IGSF11: variants seen among roughly 807,000 people sequenced by gnomAD.
IGSF11 encodes CXADR like 1.
IGSF11 carries 22 observed loss-of-function variants against 41.0 expected under a neutral mutation model. The observed-to-expected ratio is 0.54, with a 90% CI of 0.38 to 0.77. The LOEUF is 0.77. Among genes scored for constraint, IGSF11 ranks in the 30% least tolerant of loss-of-function variants. IGSF11 has a pLI of 0.00. For missense variants in IGSF11, 444 were observed against 530.8 expected, an observed-to-expected ratio of 0.84 and a Z score of 1.61; for synonymous variants, 219 against 201.3, an observed-to-expected ratio of 1.09 and a Z score of -0.74.
chr3:119,033,446 AG>A (rs896437269), intron 1 of IGSF11, among the ~76,000 whole-genome samples: 13 of 152,246 alleles, frequency 8.5e-5, no homozygotes, highest in African/African-American at 3.1e-4. Flanking sequence ...ACTGAACTCT[AG>A]AAAAGTTAAT....
intron 1 of IGSF11, among the ~76,000 whole-genome samples, chr3:119,110,281 G>C (rs1168958892): frequency 1.3e-5 from 2 of 151,856 alleles, no homozygotes; most frequent in Non-Finnish European, 2.9e-5. Context: ...CTCCTGTATT[G>C]GGTGCATATA....
chr3:119,096,971 T>C (rs979392093), intron 1 of IGSF11, among the ~76,000 whole-genome samples: 3 of 152,202 alleles, frequency 2.0e-5, no homozygotes, highest in Admixed American at 6.5e-5. Flanking sequence ...ATACTTTTGG[T>C]ACCAAGTTTT....
At position 119,021,334 on chromosome 3, in the gene IGSF11, G is replaced by C. The variant is rs368634520; in HGVS notation, c.52+13197C>G. ...GAAGATTATGTTAATGAAGTAAAAG[G>C]ATATGACAGTGATAAAGATGATGGT... On this transcript the variant is annotated intron_variant, in intron 1 of 6. Coordinates refer to ENST00000393775, the MANE Select transcript of IGSF11 (RefSeq NM_001015887.3). Among the ~76,000 whole-genome samples the C allele has an allele frequency of 2.6e-5, 4 of 152,180 alleles. No individual in the cohort carries two copies. In the East Asian group the frequency reaches 7.7e-4, roughly 29 times the overall value.
chr3:119,131,675 C>T (rs538915496), intron 1 of IGSF11, among the ~76,000 whole-genome samples: 1 of 152,238 alleles, frequency 6.6e-6, no homozygotes, highest in South Asian at 2.1e-4. Flanking sequence ...GGCAGGCCAA[C>T]ATTCAAATTC....
chr3:119,017,039 CAAAAAAAA>C (rs60190891), intron 1 of IGSF11, among the ~76,000 whole-genome samples: 1 of 88,320 alleles, frequency 1.1e-5, no homozygotes, highest in African/African-American at 3.7e-5. Flanking sequence ...GGACGCAGGA[CAAAAAAAA>C]AAAAAAAAAA....
Position 119,051,447 on chromosome 3 carries a change from C to T in IGSF11, c.49+53697G>A, listed in dbSNP as rs142881586. Among the ~76,000 whole-genome samples, 800 of 152,198 alleles carry T rather than the reference C, an allele frequency of 5.3e-3. 15 individuals are homozygous for T. Among genetic ancestry groups the T allele is most frequent in the African/African-American group, 0.019 (769 of 41,536 alleles). Reference sequence around the variant, plus strand: ...AATATCACAATTCTAAATATACATGCACCTAACACTGGATCTCCCAAATTT... The same window carrying T: ...AATATCACAATTCTAAATATACATGTACCTAACACTGGATCTCCCAAATTT... On this transcript the variant is annotated intron_variant, in intron 1 of 6. Coordinates refer to the IGSF11 transcript ENST00000354673.
chr3:119,094,164 T>C (rs2107498164), intron 1 of IGSF11, among the ~76,000 whole-genome samples: 1 of 137,342 alleles, frequency 7.3e-6, no homozygotes, highest in Non-Finnish European at 1.5e-5. Flanking sequence ...AGTGGAAATA[T>C]ACCTTTTCCA....
chr3:118,998,672 G>A lies in IGSF11; in HGVS notation c.52+35859C>T, dbSNP rs554874165. Among the ~76,000 whole-genome samples, 31 of 151,888 alleles carry A rather than the reference G, an allele frequency of 2.0e-4. No homozygotes were observed. In the East Asian group the frequency reaches 4.8e-3, roughly 24 times the overall value. On this transcript the variant is annotated intron_variant, in intron 1 of 6. Transcript: ENST00000393775. ...CCCCAAAACTATTTTTTATAAATAAGGAGAAAATACAAGACTTTCAACTGC... is the reference window on the plus strand; with the variant it reads ...CCCCAAAACTATTTTTTATAAATAAAGAGAAAATACAAGACTTTCAACTGC...
intron 1 of IGSF11, among the ~76,000 whole-genome samples, chr3:119,044,816 CGAA>C (rs1231541157): frequency 6.6e-6 from 1 of 152,084 alleles, no homozygotes; most frequent in Non-Finnish European, 1.5e-5. Context: ...GCTTCATAAA[CGAA>C]GGAGAGATAA....
chr3:118,939,473 G>A (rs1258637015), intron 1 of IGSF11, among the ~76,000 whole-genome samples: 1 of 152,038 alleles, frequency 6.6e-6, no homozygotes. Context: ...CTACTTGGGA[G>A]GCTGAGGTAG....
chr3:118,991,499 C>T lies in IGSF11; in HGVS notation c.52+43032G>A, dbSNP rs150797473. ...CAGCTGCATCTATTCAAGTGAAATA[C>T]CACAATTAACCTGTGAATTTAATCT... On this transcript the variant is annotated intron_variant, in intron 1 of 6. Coordinates refer to ENST00000393775, the MANE Select transcript of IGSF11 (RefSeq NM_001015887.3). Among the ~76,000 whole-genome samples, 77 of 152,234 alleles carry T rather than the reference C, an allele frequency of 5.1e-4. 1 individual carries two copies. Among genetic ancestry groups the T allele is most frequent in the African/African-American group, 1.8e-3 (74 of 41,538 alleles).
intron 1 of IGSF11, among the ~76,000 whole-genome samples, chr3:119,102,795 G>A (rs976072372): frequency 9.9e-5 from 15 of 151,292 alleles, no homozygotes; most frequent in Admixed American, 7.2e-4. Context: ...GTTTTCTTTC[G>A]GCTTCTTCCA....
intron 1 of IGSF11, among the ~76,000 whole-genome samples, chr3:119,001,560 C>T (rs1173689220): frequency 2.1e-5 from 3 of 141,604 alleles, no homozygotes; most frequent in Admixed American, 7.0e-5. Context: ...CATGCTGGTG[C>T]GCTGCACCCA....
At chr3:118,983,612 C>A (rs767307567) in intron 1 of IGSF11, among the ~76,000 whole-genome samples, 2 of 152,112 alleles carry the variant, frequency 1.3e-5, no homozygotes, top group African/African-American at 4.8e-5. Flanking sequence ...TGCATCAAAA[C>A]ACTTCAAATG....
At chr3:118,995,645 GTTTA>G (rs34860359) in intron 1 of IGSF11, among the ~76,000 whole-genome samples, 5 of 144,602 alleles carry the variant, frequency 3.5e-5, no homozygotes, top group East Asian at 2.0e-4. Flanking sequence ...TGGTTTGCTT[GTTTA>G]TTTATTTATT....
At chr3:119,094,961 C>T (rs947033449) in intron 1 of IGSF11, among the ~76,000 whole-genome samples, 1 of 151,912 alleles carries the variant, frequency 6.6e-6, no homozygotes. Flanking sequence ...CGTGAGCCAC[C>T]GAGCCTGGAC....
At chr3:119,052,249 G>A (rs1017760099) in intron 1 of IGSF11, among the ~76,000 whole-genome samples, 14 of 152,132 alleles carry the variant, frequency 9.2e-5, no homozygotes, top group Non-Finnish European at 1.3e-4. Flanking sequence ...GGAAGCCAAG[G>A]TGGGTGGATC....
At position 118,955,830 on chromosome 3, in the gene IGSF11, A is replaced by C. The variant is rs1304297794; in HGVS notation, c.53-25555T>G. 3.3e-5 allele frequency among the ~76,000 whole-genome samples: 5 copies of C among 152,128 alleles called. No individual in the cohort carries two copies. In the East Asian group the frequency reaches 9.7e-4, roughly 29 times the overall value. ...AAGTCACCAGCTGCATTAGCTCCTAACAGGAGAGTCAGCCTGTCCTTTGAA... is the reference window on the plus strand; with the variant it reads ...AAGTCACCAGCTGCATTAGCTCCTACCAGGAGAGTCAGCCTGTCCTTTGAA... On this transcript the variant is annotated intron_variant, in intron 1 of 6. Coordinates refer to ENST00000393775, the MANE Select transcript of IGSF11 (RefSeq NM_001015887.3).
intron 1 of IGSF11, among the ~76,000 whole-genome samples, chr3:118,976,060 G>A (rs951796208): frequency 1.3e-5 from 2 of 151,956 alleles, no homozygotes; most frequent in African/African-American, 2.4e-5. Context: ...ACATGAAACC[G>A]ATACATGAAA....
Sources: allele counts gnomAD v4.1 joint callset (sites outside exome capture counted in the v4.1 genomes callset), GRCh38; gene constraint gnomAD v4.1.1; transcripts MANE v1.5; gene names NCBI Gene and HGNC (gene_info 2026-07-23, HGNC 2026-07-21).